CNTNAP2: variants seen among roughly 807,000 people sequenced by gnomAD.
The protein encoded by CNTNAP2 is contactin-associated protein-like 2.
In CNTNAP2, 98 loss-of-function variants were observed where a neutral mutation model predicts 155.2. The ratio of observed to expected loss-of-function variants is 0.63; its 90% CI spans 0.54 to 0.75. The LOEUF (loss-of-function observed/expected upper bound fraction) is 0.75. Ranked by LOEUF, CNTNAP2 falls within the 30% of genes least tolerant of loss-of-function variation. The pLI is 0.00. For missense variants in CNTNAP2, 1,727 were observed against 1,688.1 expected (o/e 1.02, Z -0.40); for synonymous variants, 651 against 631.2 (o/e 1.03, Z -0.47).
intron 8 of CNTNAP2, among the ~76,000 whole-genome samples, chr7:147,182,275 A>C (rs1353152520): frequency 2.6e-5 from 4 of 152,174 alleles, no homozygotes; most frequent in African/African-American, 7.2e-5. Context: ...ATTATTAATA[A>C]GAAAATAATC....
intron 18 of CNTNAP2, among the ~76,000 whole-genome samples, chr7:148,184,495 T>G (rs990711558): frequency 1.3e-5 from 2 of 152,204 alleles, no homozygotes; most frequent in African/African-American, 4.8e-5. Flanking sequence ...TCTGTGCTTC[T>G]CCCTAGGGAG....
chr7:147,604,193 C>T (rs914026310), intron 12 of CNTNAP2, among the ~76,000 whole-genome samples: 6 of 151,648 alleles, frequency 4.0e-5, no homozygotes, highest in African/African-American at 1.2e-4. Context: ...ACACCAAAAG[C>T]AATGGCAACA....
At chr7:147,251,163 T>C (rs1804188759) in intron 8 of CNTNAP2, among the ~76,000 whole-genome samples, 1 of 152,092 alleles carries the variant, frequency 6.6e-6, no homozygotes, top group Non-Finnish European at 1.5e-5. Context: ...TCTGTGGCCA[T>C]AAAAAAGAGC....
At chr7:146,185,934 C>A (rs575061522) in intron 1 of CNTNAP2, among the ~76,000 whole-genome samples, 1 of 152,026 alleles carries the variant, frequency 6.6e-6, no homozygotes, top group East Asian at 1.9e-4. Flanking sequence ...CAGTAATTAT[C>A]TTATTCAGTA....
chr7:146,404,550 G>A (rs1795763466), intron 1 of CNTNAP2, among the ~76,000 whole-genome samples: 1 of 151,998 alleles, frequency 6.6e-6, no homozygotes, highest in Non-Finnish European at 1.5e-5. Context: ...CAAATTATCA[G>A]TCAGGGTGAT....
intron 11 of CNTNAP2, among the ~76,000 whole-genome samples, chr7:147,520,700 C>T (rs1344829230): frequency 3.9e-5 from 6 of 152,188 alleles, no homozygotes; most frequent in African/African-American, 9.7e-5. Flanking sequence ...TAATGAGTGT[C>T]GTTATAGAAA....
chr7:146,700,732 T>C (rs1800862433), intron 1 of CNTNAP2, among the ~76,000 whole-genome samples: 1 of 152,142 alleles, frequency 6.6e-6, no homozygotes, highest in Non-Finnish European at 1.5e-5. Flanking sequence ...ATCCCAGTCA[T>C]TGTTTATTTC....
chr7:146,261,979 C>T (rs913977611), intron 1 of CNTNAP2, among the ~76,000 whole-genome samples: 2 of 152,108 alleles, frequency 1.3e-5, no homozygotes, highest in African/African-American at 4.8e-5. Flanking sequence ...TATTCGACTG[C>T]ATTGATTGTT....
chr7:146,314,671 C>G (rs1456401475), intron 1 of CNTNAP2, among the ~76,000 whole-genome samples: 1 of 152,100 alleles, frequency 6.6e-6, no homozygotes, highest in Non-Finnish European at 1.5e-5. Flanking sequence ...CAGTCCCAAG[C>G]AAAGACTGTA....
chr7:146,431,869 G>A (rs1639437), intron 1 of CNTNAP2, among the ~76,000 whole-genome samples: 64,473 of 151,850 alleles, frequency 0.42, 16,674 homozygotes, highest in African/African-American at 0.73. Flanking sequence ...TCTGGCTCCA[G>A]GTTCTTTTTT....
intron 1 of CNTNAP2, among the ~76,000 whole-genome samples, chr7:146,207,637 G>GTTTTTTTTTTT (rs57881187): frequency 7.4e-5 from 9 of 122,358 alleles, no homozygotes; most frequent in Non-Finnish European, 8.5e-5. Flanking sequence ...ACAGGACTGT[G>GTTTTTTTTTTT]TTTTTTTTTT....
At chr7:147,388,684 G>T (rs537861923) in intron 9 of CNTNAP2, among the ~76,000 whole-genome samples, 3 of 151,840 alleles carry the variant, frequency 2.0e-5, no homozygotes, top group African/African-American at 7.3e-5. Context: ...AAGTTCAAGC[G>T]TTTCTCCTGC....
chr7:147,463,997 T>C (rs1798069252), intron 10 of CNTNAP2, among the ~76,000 whole-genome samples: 2 of 144,870 alleles, frequency 1.4e-5, no homozygotes, highest in African/African-American at 5.1e-5. Context: ...GAGCCAGACA[T>C]TAGAGAGAAT....
rs556469740 is a variant in CNTNAP2, at chr7:146,137,714, C to G, written c.97+20741C>G. Among the ~76,000 whole-genome samples, 584 of 151,934 alleles carry G rather than the reference C, an allele frequency of 3.8e-3. 4 individuals are homozygous for G. The highest frequency in any genetic ancestry group is 6.4e-3 in the Non-Finnish European group (433 of 67,930). ...AATAGATGATTTCATGTACCATAAACTACTATAGTAATTTGCCAAGAGATA... is the reference window on the plus strand; with the variant it reads ...AATAGATGATTTCATGTACCATAAAGTACTATAGTAATTTGCCAAGAGATA... On this transcript the variant is annotated intron_variant, in intron 1 of 23. Coordinates refer to ENST00000361727, the MANE Select transcript of CNTNAP2 (RefSeq NM_014141.6).
chr7:146,933,235 T>C lies in CNTNAP2; in HGVS notation c.402+93331T>C, dbSNP rs866897936. Among the ~76,000 whole-genome samples, 519 of 151,830 alleles carry C rather than the reference T, an allele frequency of 3.4e-3. 2 individuals are homozygous for C. The highest frequency in any genetic ancestry group is 0.011 in the African/African-American group (441 of 41,314). ...AAACAGCATGGTACTGGTACCAAAA[T>C]AGAGATATAGATCAATGGAACAGAA... On this transcript the variant is annotated intron_variant, in intron 3 of 23. Transcript: ENST00000361727.
chr7:146,921,052 T>C (rs1796488602), intron 3 of CNTNAP2, among the ~76,000 whole-genome samples: 1 of 152,180 alleles, frequency 6.6e-6, no homozygotes, highest in African/African-American at 2.4e-5. Flanking sequence ...ACATGTTGTA[T>C]GATTCCATGA....
At chr7:147,148,953 CAA>C (rs2129288960) in intron 8 of CNTNAP2, among the ~76,000 whole-genome samples, 1 of 152,310 alleles carries the variant, frequency 6.6e-6, no homozygotes, top group East Asian at 1.9e-4. Flanking sequence ...AGCACAGACA[CAA>C]AGAGTGAGCA....
At chr7:147,323,989 GA>G (rs1795403423) in intron 9 of CNTNAP2, among the ~76,000 whole-genome samples, 2 of 149,504 alleles carry the variant, frequency 1.3e-5, no homozygotes, top group Non-Finnish European at 3.0e-5. Flanking sequence ...CTTTAGCTTA[GA>G]AAGCAAAGGA....
At chr7:147,372,421 T>C (rs550996892) in intron 9 of CNTNAP2, among the ~76,000 whole-genome samples, 5 of 152,122 alleles carry the variant, frequency 3.3e-5, no homozygotes, top group Non-Finnish European at 7.4e-5. Context: ...CATTTCATCT[T>C]TCTTGTGTGT....
Sources: gnomAD v4.1 joint callset for allele counts (sites outside exome capture counted in the v4.1 genomes callset) on GRCh38, gnomAD v4.1.1 for gene constraint, MANE v1.5 for transcripts, NCBI Gene and HGNC (gene_info 2026-07-23, HGNC 2026-07-21) for gene names.